The following RAE1 variants were observed in gnomAD, a reference collection of about 807,000 sequenced individuals.
The protein encoded by RAE1 is ribonucleic acid export 1.
In RAE1, 13 loss-of-function variants were observed where a neutral mutation model predicts 52.7. That is an observed-to-expected ratio of 0.25 (90% CI 0.16 to 0.39). The LOEUF (loss-of-function observed/expected upper bound fraction) is 0.39, where lower values mean the gene tolerates loss of function less well. RAE1 is among the 10% of genes least tolerant of loss of function. The pLI is 1.00. For missense variants in RAE1, 262 were observed against 459.8 expected (o/e 0.57, Z 3.93); for synonymous variants, 164 against 153.1 (o/e 1.07, Z -0.52).
rs759423767 is a variant in RAE1, at chr20:57,365,373, T to C, written c.306T>C (p.Phe102=). 1 of 1,609,358 alleles carries C rather than the reference T, an allele frequency of 6.2e-7. No homozygotes were observed. The highest frequency in any genetic ancestry group is 8.5e-7 in the Non-Finnish European group (1 of 1,176,994). Residue 102 remains phenylalanine (F), a synonymous_variant, in exon 5 of 12, where the codon TTT becomes TTC. Coordinates refer to ENST00000395841, the MANE Select transcript of RAE1 (RefSeq NM_003610.4). ...TATTTTAGGATGGGAGCAAAGTGTTTACGGCATCGTGTGATAAAACTGCCA... is the reference window on the plus strand; with the variant it reads ...TATTTTAGGATGGGAGCAAAGTGTTCACGGCATCGTGTGATAAAACTGCCA... ...VCWSDDGSKV[F]TASCDKTAKM...
intron 11 of RAE1, among the ~76,000 whole-genome samples, chr20:57,376,733 C>T (rs947151551): frequency 1.3e-5 from 2 of 152,226 alleles, no homozygotes; most frequent in African/African-American, 4.8e-5. Flanking sequence ...GGCCTCAGCT[C>T]CCACATCGGG....
intron 8 of RAE1, chr20:57,371,571 G>A (rs2146171728): frequency 6.6e-6 from 1 of 152,330 alleles, no homozygotes; most frequent in African/African-American, 2.4e-5. Context: ...CAAGCGCTGG[G>A]GAGGGTGTGG....
At chr20:57,362,667 C>T (rs1053196776) in intron 4 of RAE1, among the ~76,000 whole-genome samples, 4 of 151,938 alleles carry the variant, frequency 2.6e-5, no homozygotes, top group Admixed American at 1.3e-4. Flanking sequence ...GAGAGTTGTA[C>T]GTTCTGACGG....
rs543176329 is a variant in RAE1 at position 57,361,291 on chromosome 20, GT to G, written c.289-4062del. ...GTATCATATCAGTATTAGGGCAGAA[GT>G]TTAGTTAATCTATTATACATAGTGG... On this transcript the variant is annotated intron_variant, in intron 4 of 11. Coordinates refer to ENST00000395841, the MANE Select transcript of RAE1 (RefSeq NM_003610.4). 1.8e-3 allele frequency among the ~76,000 whole-genome samples: 276 copies of G among 152,276 alleles called. 2 individuals are homozygous for G. Among genetic ancestry groups the G allele is most frequent in the African/African-American group, 6.2e-3 (259 of 41,554 alleles).
At chr20:57,373,867 C>T (rs2067072310) in intron 10 of RAE1, 129 bp downstream of exon 10, 2 of 983,650 alleles carry the variant, frequency 2.0e-6, no homozygotes, top group Non-Finnish European at 3.1e-6. Flanking sequence ...AGATAAGTGG[C>T]TTATGCTGTA....
At chr20:57,367,521 T>C (rs896021758) in intron 7 of RAE1, among the ~76,000 whole-genome samples, 2 of 151,920 alleles carry the variant, frequency 1.3e-5, no homozygotes, top group African/African-American at 4.8e-5. Flanking sequence ...GGTGGGTGGA[T>C]TGCTTGAGGT....
At chr20:57,365,304 G>C in intron 4 of RAE1, 52 bp from the exon 5 acceptor site, 1 of 1,301,556 alleles carries the variant, frequency 7.7e-7, no homozygotes. Context: ...TATATATATA[G>C]TTAAAGATTT....
At chr20:57,365,312 T>C in intron 4 of RAE1, 44 bp from the exon 5 acceptor site, 1 of 1,406,644 alleles carries the variant, frequency 7.1e-7, no homozygotes, top group Non-Finnish European at 1.0e-6. Flanking sequence ...TAGTTAAAGA[T>C]TTAATTTTTC....
chr20:57,365,609 T>G (rs996571502), intron 5 of RAE1, among the ~76,000 whole-genome samples, 167 bp downstream of exon 5: 1 of 152,190 alleles, frequency 6.6e-6, no homozygotes, highest in Non-Finnish European at 1.5e-5. Flanking sequence ...AATAACAATT[T>G]TATAACCATT....
chr20:57,378,119 A>G lies in RAE1; in HGVS notation c.*20A>G. On this transcript the variant is annotated 3_prime_UTR_variant, in exon 12 of 12. Transcript: ENST00000395841. ...AAGTAGTGGCTGGAGACTCTGGCTC[A>G]GCCAGAGTTGTTTCTCTCCACTCTG... is the stretch of plus-strand genomic sequence containing the variant. The G allele has an allele frequency of 1.4e-5, 22 of 1,578,928 alleles. No homozygotes were observed. The highest frequency in any genetic ancestry group is 1.6e-5 in the Non-Finnish European group (18 of 1,153,988).
At chr20:57,367,119 A>G (rs972789064) in intron 7 of RAE1, 40 bp downstream of exon 7, 2 of 1,474,650 alleles carry the variant, frequency 1.4e-6, no homozygotes, top group Non-Finnish European at 1.9e-6. Context: ...CTTTAAAAAA[A>G]AAACAAAATA....
At position 57,364,017 on chromosome 20, in the gene RAE1, T is replaced by G. The variant is rs1308706004; in HGVS notation, c.289-1339T>G. On this transcript the variant is annotated intron_variant, in intron 4 of 11. Coordinates refer to ENST00000395841, the MANE Select transcript of RAE1 (RefSeq NM_003610.4). Reference sequence around the variant, plus strand: ...CAGACCTTCCTGGTGATGGAGCCCATGTGCTTAGCAGCCTCCCTCATGGAG... The same window carrying G: ...CAGACCTTCCTGGTGATGGAGCCCAGGTGCTTAGCAGCCTCCCTCATGGAG... 3.3e-5 allele frequency among the ~76,000 whole-genome samples: 5 copies of G among 152,330 alleles called. 1 individual carries two copies. The highest frequency in any genetic ancestry group is 4.1e-4 in the South Asian group (2 of 4,828).
At chr20:57,361,550 G>T (rs887702938) in intron 4 of RAE1, among the ~76,000 whole-genome samples, 1 of 152,142 alleles carries the variant, frequency 6.6e-6, no homozygotes, top group Non-Finnish European at 1.5e-5. Context: ...TTGAGCATAC[G>T]TGCATGCGTG....
In RAE1 at chr20:57,367,093, A is replaced by G. The variant is rs2066965497; in HGVS notation, c.534+14A>G. ...TGTGCTGACGTGGTAAGGGATTTCA[A>G]CTTAATATGTATTTACTTTAAAAAA... On this transcript the variant is annotated intron_variant, in intron 7 of 11. Coordinates refer to ENST00000395841, the MANE Select transcript of RAE1 (RefSeq NM_003610.4). The G allele has an allele frequency of 1.3e-6, 2 of 1,539,600 alleles. No individual in the cohort carries two copies.
chr20:57,354,172 A>G, intron 2 of RAE1, 44 bp downstream of exon 2: 1 of 1,551,854 alleles, frequency 6.4e-7, no homozygotes, highest in South Asian at 1.1e-5. Flanking sequence ...GAGTTTGGGC[A>G]GAGTTTCTCC....
intron 8 of RAE1, chr20:57,371,673 C>G (rs2067037741): frequency 1.3e-5 from 2 of 152,202 alleles, no homozygotes; most frequent in Non-Finnish European, 2.9e-5. Flanking sequence ...AAAACAGAAT[C>G]ACCATACGAT....
rs745348731 is a variant in RAE1, at chr20:57,366,993, CTT to C, written c.463-10_463-9del. On this transcript the variant is annotated splice_polypyrimidine_tract_variant and intron_variant, in intron 6 of 11. Coordinates refer to ENST00000395841, the MANE Select transcript of RAE1 (RefSeq NM_003610.4). ...TCTGAATGGTCACATACTGGCTTCT[CTT>C]TTTTGCTTTTAGTTTTGGGATACTC... 26 of 1,604,594 alleles carry C rather than the reference CTT, an allele frequency of 1.6e-5. No homozygotes were observed. The highest frequency in any genetic ancestry group is 2.0e-5 in the Non-Finnish European group (23 of 1,171,538).
chr20:57,375,447 T>TGCTTCACATAGGAG (rs1568795486), intron 11 of RAE1, among the ~76,000 whole-genome samples: 1 of 152,150 alleles, frequency 6.6e-6, no homozygotes, highest in East Asian at 1.9e-4. Context: ...GGAGGTCACC[T>TGCTTCACATAGGAG]GCTTCACATA....
At chr20:57,373,258 G>A (rs546360151) in intron 8 of RAE1, 5 of 561,198 alleles carry the variant, frequency 8.9e-6, no homozygotes, top group South Asian at 6.3e-5. Flanking sequence ...CAGCGGGGGC[G>A]GGGGAGGAGC....
Sources: allele counts gnomAD v4.1 joint callset (sites outside exome capture counted in the v4.1 genomes callset), GRCh38; gene constraint gnomAD v4.1.1; transcripts MANE v1.5; gene names NCBI Gene and HGNC (gene_info 2026-07-23, HGNC 2026-07-21).